The following TDRD1 variants were observed in gnomAD, a reference collection of about 807,000 sequenced individuals.
TDRD1 encodes tudor domain containing 1, also known as tudor domain-containing protein 1.
TDRD1 carries 37 observed loss-of-function variants against 140.6 expected under a neutral mutation model. That is an observed-to-expected ratio of 0.26 (90% CI 0.20 to 0.35). TDRD1 has a LOEUF of 0.35. TDRD1 is among the 10% of genes least tolerant of loss of function. The pLI is 1.00. For synonymous variants in TDRD1, 506 were observed against 475.7 expected, an observed-to-expected ratio of 1.06 and a Z score of -0.83; for missense variants, 1,243 against 1,393.0, an observed-to-expected ratio of 0.89 and a Z score of 1.71.
At chr10:114,190,629 A>G (rs1439700174) in intron 2 of TDRD1, among the ~76,000 whole-genome samples, 1 of 152,242 alleles carries the variant, frequency 6.6e-6, no homozygotes, top group African/African-American at 2.4e-5. Context: ...TTGGGATTAC[A>G]AGAGTGCACC....
At chr10:114,211,422 G>A (rs1003617248) in intron 13 of TDRD1, among the ~76,000 whole-genome samples, 2 of 152,212 alleles carry the variant, frequency 1.3e-5, no homozygotes, top group Non-Finnish European at 2.9e-5. Flanking sequence ...ACTCTCTGCC[G>A]AAGAGAGGCC....
chr10:114,203,693 T>C lies in TDRD1; in HGVS notation c.981+126T>C, dbSNP rs1284899432. 3.0e-5 allele frequency: 24 copies of C among 802,196 alleles called. No individual in the cohort carries two copies. In the Admixed American group the frequency reaches 7.1e-4, roughly 24 times the overall value. 49.7% of individuals were successfully genotyped at this position (802,196 alleles called of 1,614,324 possible). A position where few individuals can be genotyped will look rare whatever the true frequency, so the allele number is the denominator to read the frequency against. On this transcript the variant is annotated intron_variant, in intron 8 of 25. Coordinates refer to ENST00000251864, the Ensembl canonical transcript of TDRD1. ...CAGCCTCTGATCACGCTTCTATTCC[T>C]CTTCAGTATCCCGTGCTCTGTTCAC...
chr10:114,220,945 T>G, intron 19 of TDRD1, 102 bp downstream of exon 19: 1 of 723,586 alleles, frequency 1.4e-6, no homozygotes, highest in Non-Finnish European at 2.3e-6. Context: ...TGTAGAGATA[T>G]GCTTTACGGA....
At chr10:114,196,831 G>GTTTTT (rs1301969120) in intron 3 of TDRD1, among the ~76,000 whole-genome samples, 8 of 57,120 alleles carry the variant, frequency 1.4e-4, no homozygotes, top group African/African-American at 4.3e-4. Context: ...GTTTCTAGCA[G>GTTTTT]TCTTTTTTTT....
In TDRD1 at chr10:114,208,777, AT is replaced by A. The variant is rs577742983; in HGVS notation, c.1385-1789del. On this transcript the variant is annotated intron_variant, in intron 11 of 25. Transcript: ENST00000251864. ...ACATACATTAGATGTTTAAGATACA[AT>A]TTTTTTTTTTTTTTGAGACAGAGTC... 3.2e-3 allele frequency among the ~76,000 whole-genome samples: 459 copies of A among 143,858 alleles called. 1 individual carries two copies. The highest frequency in any genetic ancestry group is 7.1e-3 in the African/African-American group (279 of 39,022). The allele number at this position is 143,858 out of a possible 152,430, so 94.4% of individuals were successfully genotyped here.
At chr10:114,184,755 T>C (rs1274017353) in intron 1 of TDRD1, among the ~76,000 whole-genome samples, 1 of 152,266 alleles carries the variant, frequency 6.6e-6, no homozygotes, top group African/African-American at 2.4e-5. Flanking sequence ...AATTGTCACA[T>C]GGTTATGTTT....
At chr10:114,203,265 C>G in intron 7 of TDRD1, 89 bp downstream of exon 7, 2 of 1,485,730 alleles carry the variant, frequency 1.3e-6, no homozygotes, top group South Asian at 2.4e-5. Context: ...GCGGTAGCTA[C>G]AAAACATAAA....
intron 1 of TDRD1, among the ~76,000 whole-genome samples, chr10:114,180,343 CTAGAAAGA>C (rs897451752): frequency 6.6e-6 from 1 of 152,114 alleles, no homozygotes; most frequent in Non-Finnish European, 1.5e-5. Flanking sequence ...TCGCTGAATC[CTAGAAAGA>C]TGAAGTGATT....
At chr10:114,231,755 T>C in exon 26 of TDRD1, 1 of 483,612 alleles carries the variant, frequency 2.1e-6, no homozygotes, top group Non-Finnish European at 3.6e-6. Flanking sequence ...AAGGAATACA[T>C]AGGGACTTTC....
chr10:114,219,587 ATTT>A (rs11327196), intron 18 of TDRD1, among the ~76,000 whole-genome samples: 2 of 135,132 alleles, frequency 1.5e-5, no homozygotes, highest in African/African-American at 5.5e-5. Flanking sequence ...TCTTTTTTTA[ATTT>A]TTTTTTTTTT....
intron 11 of TDRD1, among the ~76,000 whole-genome samples, chr10:114,209,769 C>G (rs2035364977): frequency 6.6e-6 from 1 of 152,146 alleles, no homozygotes; most frequent in South Asian, 2.1e-4. Context: ...AGAACCATTT[C>G]CTTTAATAAG....
intron 16 of TDRD1, among the ~76,000 whole-genome samples, chr10:114,216,863 G>A (rs1272269323): frequency 6.6e-6 from 1 of 152,202 alleles, no homozygotes; most frequent in African/African-American, 2.4e-5. Context: ...ATGAGCCTTT[G>A]TCACATTCTT....
chr10:114,184,170 ATTTTT>A (rs112348745), intron 1 of TDRD1, among the ~76,000 whole-genome samples: 2 of 146,680 alleles, frequency 1.4e-5, no homozygotes, highest in Admixed American at 6.8e-5. Flanking sequence ...TTCAATTTGA[ATTTTT>A]TTTTTTTTTA....
intron 20 of TDRD1, among the ~76,000 whole-genome samples, chr10:114,221,887 A>G (rs749504804): frequency 8.5e-5 from 13 of 152,252 alleles, no homozygotes; most frequent in Non-Finnish European, 1.6e-4. Context: ...CTTGAAGAAA[A>G]GTAGCATATA....
At chr10:114,206,222 T>C (rs2035089839) in intron 10 of TDRD1, 22 bp from the exon 11 acceptor site, 1 of 1,572,912 alleles carries the variant, frequency 6.4e-7, no homozygotes, top group African/African-American at 1.4e-5. Context: ...AATGGAGGCA[T>C]ATTTTCTTAA....
intron 10 of TDRD1, among the ~76,000 whole-genome samples, chr10:114,205,152 G>A (rs768145297): frequency 1.3e-5 from 2 of 152,174 alleles, no homozygotes; most frequent in Non-Finnish European, 2.9e-5. Context: ...ATCTACTCCT[G>A]AATATTGGCC....
At chr10:114,187,998 A>G (rs1329374086) in exon 2 of TDRD1, 5 of 1,614,212 alleles carry the variant, frequency 3.1e-6, no homozygotes, top group Non-Finnish European at 4.2e-6. Context: ...TTCAGGCTGA[A>G]AAGCTCAGAG....
intron 13 of TDRD1, among the ~76,000 whole-genome samples, 184 bp downstream of exon 13, chr10:114,211,151 T>G (rs1455530311): frequency 6.6e-6 from 1 of 152,170 alleles, no homozygotes; most frequent in Non-Finnish European, 1.5e-5. Context: ...AGGAGTGTGG[T>G]CTGACCTGGG....
rs569378241 is a variant in TDRD1, at chr10:114,229,024, A to G, written c.3538+899A>G. Among the ~76,000 whole-genome samples, 7 of 152,260 alleles carry G rather than the reference A, an allele frequency of 4.6e-5. No individual in the cohort carries two copies. In the South Asian group the frequency reaches 1.5e-3, roughly 32 times the overall value. On this transcript the variant is annotated intron_variant, in intron 25 of 25. Transcript: ENST00000251864. ...CTTGAATCCAGGAGGCGGCGGTTGC[A>G]GTGAGCCAAGACTGCTATTATACTC...
Sources: gnomAD v4.1 joint callset for allele counts (sites outside exome capture counted in the v4.1 genomes callset) on GRCh38, gnomAD v4.1.1 for gene constraint, MANE v1.5 for transcripts, NCBI Gene and HGNC (gene_info 2026-07-23, HGNC 2026-07-21) for gene names.